SGCZ: variants seen among roughly 807,000 people sequenced by gnomAD.
SGCZ encodes the protein sarcoglycan zeta.
In SGCZ, 40 loss-of-function variants were observed where a neutral mutation model predicts 41.3. The ratio of observed to expected loss-of-function variants is 0.97; its 90% CI spans 0.75 to 1.26. SGCZ has a LOEUF of 1.26. SGCZ is among the 50% of genes most tolerant of loss of function. The pLI is 0.00. For missense variants in SGCZ, 552 were observed against 369.8 expected, an observed-to-expected ratio of 1.49 and a Z score of -4.04; for synonymous variants, 206 against 137.5, an observed-to-expected ratio of 1.50 and a Z score of -3.49.
chr8:14,749,465 G>T lies in SGCZ; in HGVS notation c.40-194539C>A, dbSNP rs573786298. ...CTAGCTTTTGGTCAAACTACATCATGTAATATAATAAATCTAGGATTCCTG... is the reference window on the plus strand; with the variant it reads ...CTAGCTTTTGGTCAAACTACATCATTTAATATAATAAATCTAGGATTCCTG... On this transcript the variant is annotated intron_variant, in intron 1 of 7. Transcript: ENST00000382080. Among the ~76,000 whole-genome samples, 6 of 152,280 alleles carry T rather than the reference G, an allele frequency of 3.9e-5. 1 individual carries two copies. Among genetic ancestry groups the T allele is most frequent in the African/African-American group, 1.4e-4 (6 of 41,568 alleles).
intron 1 of SGCZ, among the ~76,000 whole-genome samples, chr8:15,024,935 CAAATAAATAAATAAATAAATAAAT>C (rs71209100): frequency 2.8e-5 from 4 of 142,652 alleles, no homozygotes; most frequent in East Asian, 2.1e-4. Flanking sequence ...GACTCCGTCT[CAAATAAATAAATAAATAAATAAAT>C]AAATAAATAA....
intron 1 of SGCZ, among the ~76,000 whole-genome samples, chr8:15,012,669 T>G (rs1802881477): frequency 1.3e-5 from 1 of 76,812 alleles, no homozygotes; most frequent in Non-Finnish European, 2.6e-5. Context: ...AATATATATT[T>G]ATTATATATT....
At chr8:14,778,785 T>C (rs983654982) in intron 1 of SGCZ, among the ~76,000 whole-genome samples, 1 of 152,190 alleles carries the variant, frequency 6.6e-6, no homozygotes, top group African/African-American at 2.4e-5. Context: ...ATATAATTTA[T>C]GCACATTTGA....
At chr8:14,964,042 C>T (rs146171881) in intron 1 of SGCZ, among the ~76,000 whole-genome samples, 9 of 152,172 alleles carry the variant, frequency 5.9e-5, no homozygotes, top group African/African-American at 2.2e-4. Context: ...GGTTACAAGG[C>T]TAAAAATAAA....
chr8:14,879,146 G>C (rs1258235524), intron 1 of SGCZ: 2 of 152,088 alleles, frequency 1.3e-5, no homozygotes, highest in Non-Finnish European at 2.9e-5. Context: ...GTAACACAGT[G>C]AGACCCCCAT....
chr8:15,197,109 T>G (rs1327860904), intron 1 of SGCZ, among the ~76,000 whole-genome samples: 2 of 152,186 alleles, frequency 1.3e-5, no homozygotes, highest in Non-Finnish European at 2.9e-5. Flanking sequence ...ATTCAAGGGG[T>G]AGGGAAATGG....
intron 1 of SGCZ, among the ~76,000 whole-genome samples, chr8:15,115,859 T>C (rs1445237996): frequency 6.6e-6 from 1 of 152,214 alleles, no homozygotes; most frequent in African/African-American, 2.4e-5. Context: ...GGGAAAAATA[T>C]TGAAAATAAT....
intron 5 of SGCZ, among the ~76,000 whole-genome samples, chr8:14,160,437 T>G (rs1238723789): frequency 1.3e-5 from 2 of 152,202 alleles, no homozygotes; most frequent in East Asian, 3.9e-4. Flanking sequence ...AAAAGATAAT[T>G]GAATTAAGTC....
intron 2 of SGCZ, among the ~76,000 whole-genome samples, chr8:14,434,783 G>A (rs146369855): frequency 9.3e-4 from 142 of 152,054 alleles, no homozygotes; most frequent in African/African-American, 3.3e-3. Context: ...CTGTTAGTTA[G>A]CTAGGCACGG....
chr8:15,218,315 T>C (rs1801484470), intron 1 of SGCZ, among the ~76,000 whole-genome samples: 1 of 152,138 alleles, frequency 6.6e-6, no homozygotes, highest in African/African-American at 2.4e-5. Flanking sequence ...ATAAATCAAA[T>C]ACCCAGAACC....
intron 4 of SGCZ, among the ~76,000 whole-genome samples, chr8:14,174,906 T>G (rs73524175): frequency 6.6e-6 from 1 of 152,156 alleles, no homozygotes; most frequent in Non-Finnish European, 1.5e-5. Context: ...CTTGACATCA[T>G]CTTCCCTTTT....
intron 1 of SGCZ, among the ~76,000 whole-genome samples, chr8:15,192,444 T>C (rs1800572944): frequency 6.6e-6 from 1 of 152,162 alleles, no homozygotes. Flanking sequence ...CAAAAAATTT[T>C]TGAAAAAAGA....
At chr8:14,645,072 T>C (rs1328836744) in intron 1 of SGCZ, among the ~76,000 whole-genome samples, 1 of 151,724 alleles carries the variant, frequency 6.6e-6, no homozygotes, top group Non-Finnish European at 1.5e-5. Context: ...TAGGAATTTT[T>C]ATATTTGGCA....
intron 4 of SGCZ, among the ~76,000 whole-genome samples, chr8:14,199,265 G>A (rs1430607245): frequency 6.6e-6 from 1 of 152,166 alleles, no homozygotes; most frequent in Non-Finnish European, 1.5e-5. Flanking sequence ...GCGGACAGAT[G>A]AAATAAGCCC....
intron 2 of SGCZ, among the ~76,000 whole-genome samples, chr8:14,350,478 G>C (rs923919223): frequency 3.3e-5 from 5 of 152,014 alleles, no homozygotes; most frequent in African/African-American, 1.2e-4. Context: ...GGAGTGTTAG[G>C]GGCTGGTGAT....
chr8:14,305,947 C>T (rs993007794), intron 3 of SGCZ, among the ~76,000 whole-genome samples: 5 of 152,198 alleles, frequency 3.3e-5, no homozygotes, highest in African/African-American at 1.2e-4. Context: ...GATGAGACCA[C>T]ATGGAGTGCC....
At chr8:15,101,796 C>T (rs988891975) in intron 1 of SGCZ, among the ~76,000 whole-genome samples, 2 of 152,060 alleles carry the variant, frequency 1.3e-5, no homozygotes, top group East Asian at 1.9e-4. Context: ...TGGGCATGGT[C>T]GTGCACACCT....
chr8:15,082,205 G>C (rs1427213219), intron 1 of SGCZ, among the ~76,000 whole-genome samples: 1 of 151,582 alleles, frequency 6.6e-6, no homozygotes, highest in Non-Finnish European at 1.5e-5. Context: ...CCCCAGCCTG[G>C]GCAACATAGC....
At chr8:14,991,348 G>C (rs1430056652) in intron 1 of SGCZ, among the ~76,000 whole-genome samples, 2 of 152,122 alleles carry the variant, frequency 1.3e-5, no homozygotes, top group Non-Finnish European at 2.9e-5. Flanking sequence ...GAAATGCAAA[G>C]TGTTAGGCTC....
Sources: allele counts gnomAD v4.1 joint callset (sites outside exome capture counted in the v4.1 genomes callset), GRCh38; gene constraint gnomAD v4.1.1; transcripts MANE v1.5; gene names NCBI Gene and HGNC (gene_info 2026-07-23, HGNC 2026-07-21).